Variants in AASS observed in about 807,000 individuals in gnomAD.
AASS encodes the protein aminoadipate-semialdehyde synthase, also known as alpha-aminoadipic semialdehyde synthase, mitochondrial.
AASS carries 86 observed loss-of-function variants against 105.4 expected under a neutral mutation model. The ratio of observed to expected loss-of-function variants is 0.82; its 90% CI spans 0.69 to 0.98. AASS has a LOEUF of 0.98. AASS is among the 50% of genes least tolerant of loss of function. The probability of loss-of-function intolerance (pLI) is 0.00; values close to 1 mark genes in which losing one functional copy is unlikely to be tolerated. For synonymous variants in AASS, 381 were observed against 394.8 expected, an observed-to-expected ratio of 0.96 and a Z score of 0.41; for missense variants, 1,048 against 1,143.2, an observed-to-expected ratio of 0.92 and a Z score of 1.20.
intron 15 of AASS, among the ~76,000 whole-genome samples, chr7:122,095,529 A>G (rs1794109371): frequency 6.6e-6 from 1 of 151,942 alleles, no homozygotes; most frequent in Admixed American, 6.6e-5. Context: ...ATTACACTAT[A>G]TCATTGTACT....
At chr7:122,113,844 CT>C (rs1795045183) in intron 9 of AASS, 124 bp from the exon 10 acceptor site, 2 of 977,914 alleles carry the variant, frequency 2.0e-6, no homozygotes, top group South Asian at 1.4e-5. Flanking sequence ...CTTTTGGGGT[CT>C]TTTTCCTATA....
rs1190790715 is a variant in AASS at position 122,079,374 on chromosome 7, A to G, written c.2396+223T>C. The G allele has an allele frequency of 2.9e-6, 4 of 1,374,620 alleles. No individual in the cohort carries two copies. In the Admixed American group the frequency reaches 8.5e-5, roughly 29 times the overall value. The allele number at this position is 1,374,620 out of a possible 1,614,324, so 85.2% of individuals were successfully genotyped here. On this transcript the variant is annotated intron_variant, in intron 21 of 23. Transcript: ENST00000417368. ...CCACTATGCTTGGGAACTGAGTGGTAAAGTGTTTCGAGATAAGCATTTCTC... is the reference window on the plus strand; with the variant it reads ...CCACTATGCTTGGGAACTGAGTGGTGAAGTGTTTCGAGATAAGCATTTCTC...
At chr7:122,097,187 T>C (rs1431851595) in intron 15 of AASS, among the ~76,000 whole-genome samples, 2 of 152,008 alleles carry the variant, frequency 1.3e-5, no homozygotes, top group African/African-American at 4.8e-5. Context: ...GCTTTTTTTT[T>C]TTTAAAGCAG....
In AASS at chr7:122,133,586, G is replaced by T; in HGVS notation, c.141C>A (p.Ile47=). The change falls in exon 2 of 24, where the codon ATC becomes ATA. Residue 47 remains isoleucine, a synonymous_variant. Transcript: ENST00000417368. ...ERRAPLAPKH[I]KGITNLGYKV... ...TGTATCCCAGATTGGTGATGCCTTT[G>T]ATGTGCTTGGGAGCTAGCGGGGCCC... 6.2e-7 allele frequency: 1 copy of T among 1,614,176 alleles called. No homozygotes were observed. Among genetic ancestry groups the T allele is most frequent in the South Asian group, 1.1e-5 (1 of 91,082 alleles).
intron 1 of AASS, among the ~76,000 whole-genome samples, chr7:122,134,097 G>T (rs1796035047): frequency 3.9e-5 from 6 of 151,966 alleles, no homozygotes; most frequent in African/African-American, 9.7e-5. Flanking sequence ...TAAAGAGCAA[G>T]ACTTTCAGAT....
chr7:122,091,604 G>A, intron 18 of AASS, 99 bp downstream of exon 18: 2 of 1,540,680 alleles, frequency 1.3e-6, no homozygotes, highest in East Asian at 2.3e-5. Flanking sequence ...GAGACAGGCA[G>A]CATCACCATT....
Position 122,101,611 on chromosome 7 carries a change from C to T in AASS, c.1338+10G>A. 6.2e-7 allele frequency: 1 copy of T among 1,606,742 alleles called. No individual in the cohort carries two copies. The highest frequency in any genetic ancestry group is 1.7e-4 in the Middle Eastern group (1 of 6,038). On this transcript the variant is annotated intron_variant, in intron 12 of 23. Coordinates refer to ENST00000417368, the MANE Select transcript of AASS (RefSeq NM_005763.4). ...TACATTTATGAAAAAATATTCTGCT[C>T]ATAACTTACATCTCTCACCACAGGA...
chr7:122,079,317 C>T (rs1793194464), intron 21 of AASS: 2 of 1,355,182 alleles, frequency 1.5e-6, no homozygotes, highest in African/African-American at 2.9e-5. Flanking sequence ...TCTATGACTA[C>T]TCCAAATCTC....
chr7:122,123,593 TA>T (rs1400228164), intron 4 of AASS, among the ~76,000 whole-genome samples: 3 of 152,314 alleles, frequency 2.0e-5, no homozygotes, highest in Middle Eastern at 6.8e-3. Flanking sequence ...GACCAATGGG[TA>T]TGAGCAGAAA....
intron 11 of AASS, among the ~76,000 whole-genome samples, chr7:122,108,819 C>CA (rs57414254): frequency 0.15 from 21,733 of 148,200 alleles, 1,820 homozygotes; most frequent in South Asian, 0.3. Context: ...TGTAACTAGG[C>CA]AAAAAAAAAG....
intron 19 of AASS, chr7:122,082,858 C>A: frequency 7.8e-7 from 1 of 1,289,534 alleles, no homozygotes. Context: ...CAACATTATT[C>A]AACATTCCAA....
Position 122,098,528 on chromosome 7 carries a change from A to G in AASS, c.1577T>C (p.Ile526Thr), listed in dbSNP as rs372729913. The change falls in exon 15 of 24, where the codon ATT becomes ACT. Residue 526 changes from isoleucine to threonine, a missense_variant. Ile to Thr is a moderately conservative substitution (Grantham distance 89). Coordinates refer to ENST00000417368, the MANE Select transcript of AASS (RefSeq NM_005763.4). ...QIEQLGKKYN[I>T]NPVSMDICKQ... ...ACAAATGTCCATGCTAACAGGATTA[A>G]TATTATATTTCTTGCCTAACTGTTC... 6 of 1,611,002 alleles carry G rather than the reference A, an allele frequency of 3.7e-6. No homozygotes were observed. The highest frequency in any genetic ancestry group is 1.6e-4 in the Middle Eastern group (1 of 6,064).
chr7:122,137,412 T>C (rs1400441818), intron 1 of AASS, among the ~76,000 whole-genome samples: 1 of 152,132 alleles, frequency 6.6e-6, no homozygotes, highest in African/African-American at 2.4e-5. Flanking sequence ...CAGAAAGAAA[T>C]CAGATCCATA....
rs1554388352 is a variant in AASS, at chr7:122,098,803, G to T, written c.1470C>A (p.Tyr490Ter). ...AATATTCTAATACAGGCTCAGATAT[G>T]TAGCCAGATCCAAGAACCAAAACCT... ...RRKVLVLGSG[Y>*]ISEPVLEYLS... The change falls in exon 14 of 24, where the codon TAC becomes TAA. Residue 490 changes from tyrosine (Y) to a stop codon, truncating the protein, a stop_gained. Transcript: ENST00000417368. LOFTEE classifies it high-confidence loss of function. 2 of 1,554,004 alleles carry T rather than the reference G, an allele frequency of 1.3e-6. No individual in the cohort carries two copies. The highest frequency in any genetic ancestry group is 8.7e-7 in the Non-Finnish European group (1 of 1,145,626).
At chr7:122,117,013 G>A (rs1187590517) in intron 6 of AASS, 56 bp from the exon 7 acceptor site, 10 of 1,472,386 alleles carry the variant, frequency 6.8e-6, no homozygotes, top group Non-Finnish European at 9.5e-6. Context: ...AACCAACATG[G>A]TTTTCTGCAA....
At chr7:122,110,954 C>T (rs1794903776) in intron 11 of AASS, among the ~76,000 whole-genome samples, 1 of 152,040 alleles carries the variant, frequency 6.6e-6, no homozygotes, top group Non-Finnish European at 1.5e-5. Context: ...ACACAATTCA[C>T]ATATTAACAG....
At chr7:122,076,883 T>C (rs1161080042) in intron 23 of AASS, among the ~76,000 whole-genome samples, 3 of 152,166 alleles carry the variant, frequency 2.0e-5, no homozygotes, top group Non-Finnish European at 4.4e-5. Context: ...GCCAGGACAA[T>C]CAGAGAACAA....
At chr7:122,077,809 A>G (rs766283847) in intron 23 of AASS, 29 bp downstream of exon 23, 10 of 1,614,020 alleles carry the variant, frequency 6.2e-6, no homozygotes, top group Non-Finnish European at 8.5e-6. Flanking sequence ...AAACAGAAAC[A>G]GGCTTACACC....
chr7:122,077,758 A>G lies in AASS; in HGVS notation c.2662+80T>C, dbSNP rs150593459. 5.0e-5 allele frequency: 76 copies of G among 1,526,836 alleles called. 1 individual carries two copies. In the East Asian group the frequency reaches 1.7e-3, roughly 33 times the overall value. 94.6% of individuals were successfully genotyped at this position (1,526,836 alleles called of 1,614,324 possible). On this transcript the variant is annotated intron_variant, in intron 23 of 23. Transcript: ENST00000417368. ...AGTAAATGCCTGTGTTACGCTCAAG[A>G]GCAATTACTTGATGTCCAGGCACCA...
Sources: allele counts gnomAD v4.1 joint callset (sites outside exome capture counted in the v4.1 genomes callset), GRCh38; gene constraint gnomAD v4.1.1; transcripts MANE v1.5; gene names NCBI Gene and HGNC (gene_info 2026-07-23, HGNC 2026-07-21).